Variants in KAT6B observed in about 807,000 individuals in gnomAD.
KAT6B encodes the protein lysine acetyltransferase 6B.
In KAT6B, 10 loss-of-function variants were observed where a neutral mutation model predicts 187.5. The observed-to-expected ratio is 0.05, with a 90% CI of 0.03 to 0.09. The LOEUF (loss-of-function observed/expected upper bound fraction) is 0.09, where lower values mean the gene tolerates loss of function less well. Ranked by LOEUF, KAT6B falls within the 10% of genes least tolerant of loss-of-function variation. The probability of loss-of-function intolerance (pLI) is 1.00; values close to 1 mark genes in which losing one functional copy is unlikely to be tolerated. For synonymous variants in KAT6B, 861 were observed against 926.8 expected (o/e 0.93, Z 1.29); for missense variants, 1,952 against 2,558.9 (o/e 0.76, Z 5.12).
chr10:74,846,287 G>A (rs910834679), intron 3 of KAT6B, among the ~76,000 whole-genome samples: 1 of 152,214 alleles, frequency 6.6e-6, no homozygotes, highest in East Asian at 1.9e-4. Context: ...TGGGCATAAA[G>A]AAAGAAGTAA....
chr10:74,856,980 T>A (rs1842865650), intron 3 of KAT6B, among the ~76,000 whole-genome samples: 1 of 152,168 alleles, frequency 6.6e-6, no homozygotes, highest in South Asian at 2.1e-4. Context: ...AGATAAATAA[T>A]TTCAGCTTGT....
At chr10:74,838,969 A>G (rs1040330177) in intron 2 of KAT6B, among the ~76,000 whole-genome samples, 8 of 152,074 alleles carry the variant, frequency 5.3e-5, no homozygotes, top group Admixed American at 1.3e-4. Context: ...CCTGGCCAAC[A>G]TGGCAAAACC....
chr10:74,845,531 A>C (rs1466635167), intron 3 of KAT6B, among the ~76,000 whole-genome samples: 1 of 149,264 alleles, frequency 6.7e-6, no homozygotes, highest in Non-Finnish European at 1.5e-5. Context: ...CAAAAAAAAA[A>C]AAAAAAACAA....
At chr10:74,894,799 G>A (rs1225968418) in intron 3 of KAT6B, among the ~76,000 whole-genome samples, 2 of 151,994 alleles carry the variant, frequency 1.3e-5, no homozygotes, top group Non-Finnish European at 2.9e-5. Flanking sequence ...GACCACATTT[G>A]CTTTATCTAG....
rs1044419495 is a variant in KAT6B at position 74,977,260 on chromosome 10, G to T, written c.1994-56G>T. 8.4e-5 allele frequency: 134 copies of T among 1,597,438 alleles called. No individual in the cohort carries two copies. The Admixed American group carries it at 2.2e-3, about 27-fold the overall frequency. On this transcript the variant is annotated intron_variant, in intron 8 of 17. Transcript: ENST00000287239. ...TTTGGTGCCATTTTGGTAATATATG[G>T]TGGTTACTCATGATTCAAGTCAGTG...
At chr10:74,942,214 G>T (rs564623037) in intron 3 of KAT6B, among the ~76,000 whole-genome samples, 8 of 152,114 alleles carry the variant, frequency 5.3e-5, no homozygotes, top group East Asian at 1.9e-4. Flanking sequence ...CATTCCTCAT[G>T]AACATAAACA....
At chr10:74,866,127 C>T (rs1034858610) in intron 3 of KAT6B, among the ~76,000 whole-genome samples, 2 of 151,626 alleles carry the variant, frequency 1.3e-5, no homozygotes, top group African/African-American at 4.9e-5. Flanking sequence ...CAAGGGATGA[C>T]AATATTAAAA....
At chr10:74,936,613 T>C (rs760139710) in intron 3 of KAT6B, among the ~76,000 whole-genome samples, 2 of 152,162 alleles carry the variant, frequency 1.3e-5, no homozygotes, top group African/African-American at 2.4e-5. Context: ...AAACAAATAA[T>C]TTTAGATAGG....
At chr10:74,839,131 C>T (rs968418505) in intron 2 of KAT6B, among the ~76,000 whole-genome samples, 8 of 146,716 alleles carry the variant, frequency 5.5e-5, no homozygotes, top group Non-Finnish European at 8.9e-5. Flanking sequence ...CCAGCCTGGG[C>T]GACAAGAGCA....
chr10:74,909,983 T>C (rs902443055), intron 3 of KAT6B, among the ~76,000 whole-genome samples: 1 of 152,084 alleles, frequency 6.6e-6, no homozygotes, highest in East Asian at 1.9e-4. Flanking sequence ...CTTGAGGTCA[T>C]TTATCTATTG....
intron 3 of KAT6B, among the ~76,000 whole-genome samples, chr10:74,931,319 C>T (rs756128929): frequency 1.2e-4 from 18 of 152,146 alleles, no homozygotes; most frequent in Non-Finnish European, 2.1e-4. Context: ...CCTTTCCACC[C>T]GTGTCTACTG....
intron 3 of KAT6B, among the ~76,000 whole-genome samples, chr10:74,942,118 C>T (rs936507369): frequency 6.6e-6 from 1 of 152,142 alleles, no homozygotes; most frequent in Non-Finnish European, 1.5e-5. Context: ...CCAGTGCACT[C>T]TGGCCTCGGC....
At chr10:74,938,104 C>T (rs1849392101) in intron 3 of KAT6B, among the ~76,000 whole-genome samples, 1 of 152,162 alleles carries the variant, frequency 6.6e-6, no homozygotes, top group Non-Finnish European at 1.5e-5. Context: ...AGCCGCCTCA[C>T]CTGGCTGTTT....
upstream of KAT6B, among the ~76,000 whole-genome samples, chr10:74,825,892 G>A (rs1840162348): frequency 1.3e-5 from 2 of 151,744 alleles, no homozygotes; most frequent in South Asian, 2.1e-4. The surrounding 1 kb of genome is among the most constrained non-coding windows in gnomAD (Gnocchi z 5.0). Flanking sequence ...TGCGAGCCAG[G>A]GGGCGGGCGA....
At chr10:74,965,824 CA>C (rs1841424076) in intron 4 of KAT6B, among the ~76,000 whole-genome samples, 1 of 151,272 alleles carries the variant, frequency 6.6e-6, no homozygotes, top group South Asian at 2.1e-4. Flanking sequence ...CTCCCGGGTT[CA>C]CGCCATTCTT....
chr10:74,956,670 C>T (rs191162865), intron 3 of KAT6B, among the ~76,000 whole-genome samples: 1 of 152,302 alleles, frequency 6.6e-6, no homozygotes, highest in Admixed American at 6.5e-5. Context: ...TGTTACTTAA[C>T]TTCTTAGATG....
chr10:74,875,231 T>C (rs1252970427), intron 3 of KAT6B, among the ~76,000 whole-genome samples: 1 of 152,190 alleles, frequency 6.6e-6, no homozygotes, highest in Non-Finnish European at 1.5e-5. Context: ...ATCTTGTTGT[T>C]TGTGGTGGTG....
intron 13 of KAT6B, among the ~76,000 whole-genome samples, chr10:74,994,148 T>C (rs1224026710): frequency 1.3e-5 from 2 of 152,222 alleles, no homozygotes; most frequent in Non-Finnish European, 2.9e-5. Context: ...TTCTACAACT[T>C]ACTAATTGGC....
intron 13 of KAT6B, among the ~76,000 whole-genome samples, chr10:75,009,614 T>G (rs1844455376): frequency 6.6e-6 from 1 of 152,178 alleles, no homozygotes; most frequent in African/African-American, 2.4e-5. Context: ...CATTGCTGTC[T>G]TTAATGCTGC....
Sources: allele counts gnomAD v4.1 joint callset (sites outside exome capture counted in the v4.1 genomes callset), GRCh38; gene constraint gnomAD v4.1.1; non-coding constraint Gnocchi (gnomAD v3.1); transcripts MANE v1.5; gene names NCBI Gene and HGNC (gene_info 2026-07-23, HGNC 2026-07-21).